The following PARD3B variants were observed in gnomAD, a reference collection of about 807,000 sequenced individuals.
PARD3B encodes par-3 family cell polarity regulator beta, also known as partitioning defective 3 homolog B.
Under a neutral mutation model 130.2 loss-of-function variants are expected in PARD3B, and 103 were observed. The ratio of observed to expected loss-of-function variants is 0.79; its 90% CI spans 0.67 to 0.93. PARD3B has a LOEUF of 0.93. Ranked by LOEUF, PARD3B falls within the 40% of genes least tolerant of loss-of-function variation. The probability of loss-of-function intolerance (pLI) is 0.00; values close to 1 mark genes in which losing one functional copy is unlikely to be tolerated. For missense variants in PARD3B, 1,609 were observed against 1,499.2 expected, an observed-to-expected ratio of 1.07 and a Z score of -1.21; for synonymous variants, 583 against 553.2, an observed-to-expected ratio of 1.05 and a Z score of -0.76.
At chr2:205,005,411 T>G (rs1182518018) in intron 3 of PARD3B, among the ~76,000 whole-genome samples, 1 of 152,018 alleles carries the variant, frequency 6.6e-6, no homozygotes, top group Non-Finnish European at 1.5e-5. Flanking sequence ...AAATAAGTAT[T>G]AAAAGGGCAC....
chr2:204,806,274 A>G (rs1387553275), intron 2 of PARD3B, among the ~76,000 whole-genome samples: 1 of 152,220 alleles, frequency 6.6e-6, no homozygotes, highest in Non-Finnish European at 1.5e-5. Context: ...AAAGCATGGT[A>G]CTGGCATAAA....
intron 2 of PARD3B, among the ~76,000 whole-genome samples, chr2:204,693,314 T>C (rs1379373796): frequency 2.0e-5 from 3 of 152,062 alleles, no homozygotes; most frequent in Non-Finnish European, 2.9e-5. Flanking sequence ...GTCTTGTTTT[T>C]AGTCTCTTCC....
intron 1 of PARD3B, among the ~76,000 whole-genome samples, chr2:204,577,411 C>T (rs2032320220): frequency 2.0e-5 from 3 of 152,120 alleles, no homozygotes. Flanking sequence ...CCATGGTCAC[C>T]CAGCTGGCAA....
intron 21 of PARD3B, among the ~76,000 whole-genome samples, chr2:205,506,784 A>C (rs1449963514): frequency 6.6e-6 from 1 of 152,238 alleles, no homozygotes; most frequent in Non-Finnish European, 1.5e-5. Context: ...TACATTGATG[A>C]ACAATTCTGG....
intron 1 of PARD3B, among the ~76,000 whole-genome samples, chr2:204,605,453 T>C (rs76358150): frequency 0.017 from 2,629 of 152,322 alleles, 48 homozygotes; most frequent in Middle Eastern, 0.034. Context: ...CCAGTCTCTT[T>C]TTACTTTGAT....
rs574827843 is a variant in PARD3B, at chr2:204,794,421, G to A, written c.222+108139G>A. Among the ~76,000 whole-genome samples, 168 of 152,258 alleles carry A rather than the reference G, an allele frequency of 1.1e-3. 2 individuals carry two copies. The highest frequency in any genetic ancestry group is 3.9e-3 in the African/African-American group (164 of 41,552). ...TGTTTTGACTGTGTCTGCATGAGTG[G>A]GCTGGTAGTGGTTTATCAAATGGCT... On this transcript the variant is annotated intron_variant, in intron 2 of 22. Coordinates refer to ENST00000406610, the MANE Select transcript of PARD3B (RefSeq NM_001302769.2).
chr2:204,571,096 C>A (rs1412626138), intron 1 of PARD3B, among the ~76,000 whole-genome samples: 2 of 152,158 alleles, frequency 1.3e-5, no homozygotes, highest in Admixed American at 1.3e-4. Context: ...TTTCTGGATA[C>A]TTTATTTCTA....
At chr2:205,545,793 T>G (rs1291837148) in intron 21 of PARD3B, among the ~76,000 whole-genome samples, 1 of 152,166 alleles carries the variant, frequency 6.6e-6, no homozygotes, top group Non-Finnish European at 1.5e-5. Context: ...CTTGTGTAAT[T>G]TATTCTTTTA....
At chr2:205,006,001 T>A (rs1299919311) in intron 3 of PARD3B, among the ~76,000 whole-genome samples, 3 of 152,176 alleles carry the variant, frequency 2.0e-5, no homozygotes, top group Non-Finnish European at 4.4e-5. Flanking sequence ...GTTCATTATA[T>A]TAGTCTTAGG....
chr2:205,020,455 A>G (rs552692961), intron 3 of PARD3B, among the ~76,000 whole-genome samples: 9 of 152,252 alleles, frequency 5.9e-5, no homozygotes, highest in Non-Finnish European at 1.0e-4. Flanking sequence ...TTGTTGAGTT[A>G]AATAAGAGGG....
intron 2 of PARD3B, among the ~76,000 whole-genome samples, chr2:204,711,538 ATCTTTTT>A (rs992760285): frequency 1.1e-4 from 17 of 152,082 alleles, no homozygotes; most frequent in African/African-American, 3.9e-4. Context: ...TAAGTTATAT[ATCTTTTT>A]TCTTTTTTCT....
intron 2 of PARD3B, among the ~76,000 whole-genome samples, chr2:204,865,504 G>C (rs917347565): frequency 2.0e-5 from 3 of 152,176 alleles, no homozygotes; most frequent in African/African-American, 7.2e-5. Flanking sequence ...TGGAATTGGA[G>C]ACCATTATTC....
rs1432400966 is a variant in PARD3B at position 205,276,543 on chromosome 2, C to A, written c.2186-23987C>A. On this transcript the variant is annotated intron_variant, in intron 16 of 22. Transcript: ENST00000406610. This position sits in a 1 kb window ranked among gnomAD's most constrained non-coding sequence, Gnocchi z 5.0. Reference sequence around the variant, plus strand: ...TTGGCAATGAGGAGCTAGGCGGGGCCTTCGGGAGCGGGAGCAGCACCCACC... The same window carrying A: ...TTGGCAATGAGGAGCTAGGCGGGGCATTCGGGAGCGGGAGCAGCACCCACC... Among the ~76,000 whole-genome samples, 1 of 152,098 alleles carries A rather than the reference C, an allele frequency of 6.6e-6. No homozygotes were observed. Among genetic ancestry groups the A allele is most frequent in the Non-Finnish European group, 1.5e-5 (1 of 68,018 alleles).
intron 1 of PARD3B, chr2:204,558,011 T>C (rs2031041107): frequency 1.3e-5 from 2 of 152,224 alleles, no homozygotes; most frequent in Non-Finnish European, 2.9e-5. Context: ...GATGGATTCT[T>C]TATTTTTGAC....
chr2:205,129,830 C>T (rs560481068), intron 10 of PARD3B, among the ~76,000 whole-genome samples: 22 of 152,274 alleles, frequency 1.4e-4, no homozygotes, highest in African/African-American at 4.1e-4. Context: ...AGAATTGTCT[C>T]TTGGATGTGA....
chr2:204,684,589 G>A (rs1323620732), intron 1 of PARD3B, among the ~76,000 whole-genome samples: 2 of 152,126 alleles, frequency 1.3e-5, no homozygotes, highest in Admixed American at 1.3e-4. Flanking sequence ...CTCTATGCTA[G>A]GATCCTCCCT....
At chr2:204,837,930 T>C (rs2044111374) in intron 2 of PARD3B, among the ~76,000 whole-genome samples, 1 of 152,032 alleles carries the variant, frequency 6.6e-6, no homozygotes, top group African/African-American at 2.4e-5. Flanking sequence ...CCACCCCCAG[T>C]TTGGTTCATT....
intron 2 of PARD3B, among the ~76,000 whole-genome samples, chr2:204,796,430 C>A (rs1157620404): frequency 1.5e-5 from 2 of 137,518 alleles, no homozygotes; most frequent in African/African-American, 5.1e-5. Context: ...ATACATGGAC[C>A]AGAGAAAGAA....
At chr2:204,548,268 G>A (rs1402611596) in intron 1 of PARD3B, among the ~76,000 whole-genome samples, 2 of 152,092 alleles carry the variant, frequency 1.3e-5, no homozygotes, top group East Asian at 3.9e-4. Flanking sequence ...AAAACAATGT[G>A]TAGTAAATTC....
Sources: gnomAD v4.1 joint callset for allele counts (sites outside exome capture counted in the v4.1 genomes callset) on GRCh38, gnomAD v4.1.1 for gene constraint, Gnocchi (gnomAD v3.1) non-coding constraint, MANE v1.5 for transcripts, NCBI Gene and HGNC (gene_info 2026-07-23, HGNC 2026-07-21) for gene names.